Variants in LINGO2 observed in about 807,000 individuals in gnomAD.
LINGO2 encodes leucine-rich repeat and immunoglobulin-like domain-containing nogo receptor-interacting protein 2.
In LINGO2, 14 loss-of-function variants were observed where a neutral mutation model predicts 30.6. That is an observed-to-expected ratio of 0.46 (90% CI 0.30 to 0.72). The LOEUF is 0.72. Ranked by LOEUF, LINGO2 falls within the 30% of genes least tolerant of loss-of-function variation. LINGO2 has a pLI of 0.07. For synonymous variants in LINGO2, 317 were observed against 288.5 expected (o/e 1.10, Z -1.00); for missense variants, 729 against 751.7 (o/e 0.97, Z 0.35).
At chr9:28,405,448 A>G (rs1822465229) in intron 2 of LINGO2, among the ~76,000 whole-genome samples, 1 of 152,106 alleles carries the variant, frequency 6.6e-6, no homozygotes, top group Non-Finnish European at 1.5e-5. Flanking sequence ...TCTTACTGTC[A>G]CATCAAATTC....
the LINGO2 span, among the ~76,000 whole-genome samples, chr9:28,699,513 G>T: frequency 6.6e-6 from 1 of 151,984 alleles, no homozygotes; most frequent in East Asian, 1.9e-4. Flanking sequence ...TGTAAAACAA[G>T]CTTGTTTGAA....
chr9:29,142,985 A>T, the LINGO2 span, among the ~76,000 whole-genome samples: 1 of 152,152 alleles, frequency 6.6e-6, no homozygotes, highest in South Asian at 2.1e-4. Flanking sequence ...AAATCAGTGG[A>T]ATTTTAATTC....
intron 2 of LINGO2, among the ~76,000 whole-genome samples, chr9:28,445,650 T>C (rs1456964730): frequency 6.6e-6 from 1 of 152,168 alleles, no homozygotes; most frequent in African/African-American, 2.4e-5. Flanking sequence ...TAAAAGTATA[T>C]TATGTAGAAA....
intron 4 of LINGO2, among the ~76,000 whole-genome samples, chr9:28,214,937 T>A (rs1820712956): frequency 1.3e-5 from 2 of 151,912 alleles, no homozygotes; most frequent in African/African-American, 4.8e-5. Flanking sequence ...GGTGTTTAAA[T>A]GTGAGCACCA....
At chr9:28,516,565 C>A (rs1304080396) in intron 1 of LINGO2, among the ~76,000 whole-genome samples, 2 of 152,148 alleles carry the variant, frequency 1.3e-5, no homozygotes, top group African/African-American at 2.4e-5. Flanking sequence ...AATTCTGCAA[C>A]CTGCTTTTCC....
At chr9:28,260,146 C>A (rs1020665659) in intron 4 of LINGO2, among the ~76,000 whole-genome samples, 2 of 151,448 alleles carry the variant, frequency 1.3e-5, no homozygotes, top group African/African-American at 2.4e-5. Context: ...ATCGTGATAA[C>A]CCCAACAAAT....
intron 5 of LINGO2, among the ~76,000 whole-genome samples, chr9:27,986,199 A>G (rs1445669220): frequency 1.3e-5 from 2 of 151,690 alleles, no homozygotes; most frequent in Non-Finnish European, 2.9e-5. Flanking sequence ...AAAGAGACAG[A>G]AGATGGTCCA....
At chr9:28,691,072 A>G in the LINGO2 span, among the ~76,000 whole-genome samples, 7 of 152,200 alleles carry the variant, frequency 4.6e-5, no homozygotes, top group East Asian at 1.9e-4. Context: ...AACACATGCA[A>G]TGTCAGCCCA....
At chr9:27,963,621 A>G (rs925592259) in intron 5 of LINGO2, among the ~76,000 whole-genome samples, 1 of 152,024 alleles carries the variant, frequency 6.6e-6, no homozygotes, top group Admixed American at 6.6e-5. Flanking sequence ...ATAAATGGAT[A>G]GCACAGAAAT....
At chr9:27,982,054 T>C (rs1290355543) in intron 5 of LINGO2, among the ~76,000 whole-genome samples, 1 of 151,778 alleles carries the variant, frequency 6.6e-6, no homozygotes, top group Non-Finnish European at 1.5e-5. Flanking sequence ...AAAACTGACT[T>C]TTCCTTCCCT....
chr9:29,003,222 T>C, the LINGO2 span, among the ~76,000 whole-genome samples: 2 of 152,044 alleles, frequency 1.3e-5, no homozygotes, highest in Admixed American at 6.6e-5. Context: ...CAAATCTCTG[T>C]TGTTTTAAGT....
chr9:28,044,607 A>G (rs978250075), intron 4 of LINGO2, among the ~76,000 whole-genome samples: 18 of 152,156 alleles, frequency 1.2e-4, no homozygotes, highest in Admixed American at 7.2e-4. Context: ...AGGTTGACAG[A>G]AAAAACACAG....
chr9:29,179,893 G>A, the LINGO2 span, among the ~76,000 whole-genome samples: 1 of 152,084 alleles, frequency 6.6e-6, no homozygotes, highest in African/African-American at 2.4e-5. Context: ...TGCTATAATA[G>A]GAACTTCTGA....
chr9:28,507,046 C>G (rs7020049), intron 1 of LINGO2, among the ~76,000 whole-genome samples: 71,239 of 151,938 alleles, frequency 0.47, 18,351 homozygotes, highest in Middle Eastern at 0.68. Flanking sequence ...TCCACATTTA[C>G]CAGCTGAAAA....
chr9:28,101,681 G>C (rs530492473), intron 4 of LINGO2, among the ~76,000 whole-genome samples: 13 of 152,300 alleles, frequency 8.5e-5, no homozygotes, highest in African/African-American at 3.1e-4. Context: ...GTCTCTGGGA[G>C]AGTTAAACTA....
chr9:28,773,421 A>C, the LINGO2 span, among the ~76,000 whole-genome samples: 27 of 151,704 alleles, frequency 1.8e-4, no homozygotes, highest in Non-Finnish European at 2.6e-4. Flanking sequence ...AAGGATAGCT[A>C]TTTATGTATG....
chr9:28,066,588 C>T (rs1051769845), intron 4 of LINGO2, among the ~76,000 whole-genome samples: 1 of 151,946 alleles, frequency 6.6e-6, no homozygotes, highest in Non-Finnish European at 1.5e-5. Flanking sequence ...CTCAAGAGTC[C>T]TGGGTTTAGT....
chr9:28,631,074 T>TA (rs1295353728), intron 1 of LINGO2, among the ~76,000 whole-genome samples: 1 of 151,974 alleles, frequency 6.6e-6, no homozygotes, highest in African/African-American at 2.4e-5. Context: ...ATTTAAATAT[T>TA]AAAAAAATTA....
intron 5 of LINGO2, among the ~76,000 whole-genome samples, chr9:27,995,781 G>T (rs1057481435): frequency 7.9e-5 from 12 of 152,084 alleles, no homozygotes; most frequent in Non-Finnish European, 1.8e-4. Flanking sequence ...GGGCAAAATT[G>T]AAAGCCTTTA....
Sources: gnomAD v4.1 joint callset for allele counts (sites outside exome capture counted in the v4.1 genomes callset) on GRCh38, gnomAD v4.1.1 for gene constraint, MANE v1.5 for transcripts, NCBI Gene and HGNC (gene_info 2026-07-23, HGNC 2026-07-21) for gene names.